Variants in CEP112 observed in about 807,000 individuals in gnomAD.
The protein encoded by CEP112 is centrosomal protein 112.
Under a neutral mutation model 153.0 loss-of-function variants are expected in CEP112, and 127 were observed. The observed-to-expected ratio is 0.83, with a 90% CI of 0.72 to 0.96. The LOEUF is 0.96. Among genes scored for constraint, CEP112 ranks in the 40% least tolerant of loss-of-function variants. The probability of loss-of-function intolerance (pLI) is 0.00; values close to 1 mark genes in which losing one functional copy is unlikely to be tolerated. For missense variants in CEP112, 1,089 were observed against 1,101.2 expected (o/e 0.99, Z 0.16); for synonymous variants, 358 against 374.4 (o/e 0.96, Z 0.51).
intron 17 of CEP112, among the ~76,000 whole-genome samples, chr17:65,972,336 A>G (rs2062872295): frequency 6.6e-6 from 1 of 152,228 alleles, no homozygotes; most frequent in South Asian, 2.1e-4. Flanking sequence ...ATTAGAAAGC[A>G]TTTTGGATTA....
chr17:65,640,237 T>C (rs185177492), intron 25 of CEP112, among the ~76,000 whole-genome samples: 1 of 145,924 alleles, frequency 6.9e-6, no homozygotes, highest in Non-Finnish European at 1.5e-5. Flanking sequence ...CACTGCAACC[T>C]CTGCCTCTGG....
At chr17:65,915,782 A>C in intron 19 of CEP112, among the ~76,000 whole-genome samples, 1 of 141,824 alleles carries the variant, frequency 7.1e-6, no homozygotes, top group Non-Finnish European at 1.5e-5. Context: ...AGTGAGACTC[A>C]AACTCAAAAA....
chr17:65,874,513 A>G (rs567959457), intron 20 of CEP112, among the ~76,000 whole-genome samples: 7 of 152,256 alleles, frequency 4.6e-5, no homozygotes, highest in African/African-American at 1.7e-4. Context: ...GAAAAAGCAC[A>G]TGTTGGTTTC....
chr17:65,710,280 A>C (rs1194409671), intron 23 of CEP112, among the ~76,000 whole-genome samples: 1 of 152,230 alleles, frequency 6.6e-6, no homozygotes, highest in African/African-American at 2.4e-5. Flanking sequence ...GCCCAGGCCA[A>C]ACATGGAGCT....
intron 20 of CEP112, among the ~76,000 whole-genome samples, chr17:65,892,593 T>C (rs2059508221): frequency 6.6e-6 from 1 of 152,118 alleles, no homozygotes; most frequent in Non-Finnish European, 1.5e-5. Context: ...TTCCAAATTT[T>C]GCCCCAAGTC....
intron 6 of CEP112, among the ~76,000 whole-genome samples, chr17:66,109,852 G>A (rs570157891): frequency 6.6e-6 from 1 of 152,218 alleles, no homozygotes; most frequent in Non-Finnish European, 1.5e-5. Context: ...TGGGGCAATT[G>A]GCAATTTATA....
intron 21 of CEP112, among the ~76,000 whole-genome samples, chr17:65,806,054 G>T (rs1424471573): frequency 6.6e-6 from 1 of 152,174 alleles, no homozygotes; most frequent in African/African-American, 2.4e-5. Flanking sequence ...CAATACTACT[G>T]TTTGGTGAAA....
chr17:65,809,101 G>A (rs1343952317), intron 21 of CEP112, among the ~76,000 whole-genome samples: 1 of 152,122 alleles, frequency 6.6e-6, no homozygotes, highest in African/African-American at 2.4e-5. Flanking sequence ...TTACTCAGTG[G>A]TGTTCTGTTA....
At chr17:65,725,751 G>A (rs950371553) in intron 23 of CEP112, among the ~76,000 whole-genome samples, 10 of 152,120 alleles carry the variant, frequency 6.6e-5, no homozygotes, top group East Asian at 1.9e-4. Context: ...ATGAAAAAAC[G>A]GAAACCCCTG....
intron 24 of CEP112, chr17:65,655,235 T>C: frequency 1.1e-6 from 1 of 894,234 alleles, no homozygotes; most frequent in Middle Eastern, 2.6e-4. Flanking sequence ...TTTGAAGTCA[T>C]CCCGGAGAAT....
At position 65,669,811 on chromosome 17, in the gene CEP112, A is replaced by G. The variant is rs942708646; in HGVS notation, c.2697+19318T>C. 8.5e-5 allele frequency among the ~76,000 whole-genome samples: 13 copies of G among 152,048 alleles called. No homozygotes were observed. In the East Asian group the frequency reaches 2.1e-3, roughly 25 times the overall value. On this transcript the variant is annotated intron_variant, in intron 24 of 26. Transcript: ENST00000535342. ...CCAGCTACTCAGGAGGCTGAGGCAG[A>G]AGAATGGCGTGAACCCGGGAGGCGG...
chr17:65,938,441 A>G (rs2061420042), intron 18 of CEP112, among the ~76,000 whole-genome samples: 1 of 151,816 alleles, frequency 6.6e-6, no homozygotes, highest in Admixed American at 6.6e-5. Flanking sequence ...AAGAAAGAAA[A>G]AAAAATACCA....
chr17:65,872,321 C>A (rs1019473606), intron 20 of CEP112, among the ~76,000 whole-genome samples: 2 of 151,500 alleles, frequency 1.3e-5, no homozygotes, highest in Non-Finnish European at 2.9e-5. Flanking sequence ...TAAAAACTGG[C>A]CAATAGACAT....
chr17:65,714,654 A>G (rs891784727), intron 23 of CEP112, among the ~76,000 whole-genome samples: 1 of 152,022 alleles, frequency 6.6e-6, no homozygotes, highest in Non-Finnish European at 1.5e-5. Context: ...CTTCACCTCC[A>G]TTTTGGAAAC....
intron 18 of CEP112, among the ~76,000 whole-genome samples, chr17:65,948,654 C>T (rs908292992): frequency 6.6e-6 from 1 of 151,800 alleles, no homozygotes; most frequent in Non-Finnish European, 1.5e-5. Flanking sequence ...ACATTTTACA[C>T]AGTTAGTTGC....
At chr17:65,920,359 C>CAAAAAAAA (rs1555713306) in intron 19 of CEP112, among the ~76,000 whole-genome samples, 4 of 29,830 alleles carry the variant, frequency 1.3e-4, no homozygotes, top group African/African-American at 5.3e-4. Context: ...AACAAACAAA[C>CAAAAAAAA]AAAATATATA....
intron 18 of CEP112, among the ~76,000 whole-genome samples, chr17:65,946,183 A>C (rs2061643398): frequency 6.6e-6 from 1 of 152,178 alleles, no homozygotes; most frequent in African/African-American, 2.4e-5. Flanking sequence ...CTTAATTTCA[A>C]TGAAGCCCAA....
rs1434023146 is a variant in CEP112 at position 66,191,717 on chromosome 17, C to CT, written c.-9+279_-9+280insA. The CT allele has an allele frequency of 3.3e-5, 5 of 152,770 alleles. No homozygotes were observed. The highest frequency in any genetic ancestry group is 3.3e-4 in the Admixed American group (5 of 15,288). The allele number at this position is 152,770 out of a possible 1,614,324, so 9.5% of individuals were successfully genotyped here. A position where few individuals can be genotyped will look rare whatever the true frequency, so the allele number is the denominator to read the frequency against. On this transcript the variant is annotated intron_variant, in intron 1 of 26. Transcript: ENST00000535342. This position sits in a 1 kb window ranked among gnomAD's most constrained non-coding sequence, Gnocchi z 4.2. ...CAAACCCTTGGGTCAGACTCTTGGA[C>CT]CACGTCAGACCGATCAAACCGGCTG...
intron 8 of CEP112, among the ~76,000 whole-genome samples, chr17:66,083,621 G>A (rs2067806944): frequency 6.6e-6 from 1 of 152,156 alleles, no homozygotes; most frequent in Non-Finnish European, 1.5e-5. Flanking sequence ...GGCCAAGGTG[G>A]GCAGACTGCC....
Sources: allele counts gnomAD v4.1 joint callset (sites outside exome capture counted in the v4.1 genomes callset), GRCh38; gene constraint gnomAD v4.1.1; non-coding constraint Gnocchi (gnomAD v3.1); transcripts MANE v1.5; gene names NCBI Gene and HGNC (gene_info 2026-07-23, HGNC 2026-07-21).